Variants in PTPRD observed in about 807,000 individuals in gnomAD.
PTPRD encodes receptor-type tyrosine-protein phosphatase delta.
In PTPRD, 34 loss-of-function variants were observed where a neutral mutation model predicts 214.5. The ratio of observed to expected loss-of-function variants is 0.16; its 90% confidence interval spans 0.12 to 0.21. PTPRD has a LOEUF of 0.21. PTPRD is among the 10% of genes least tolerant of loss of function. The probability of loss-of-function intolerance (pLI) is 1.00; values close to 1 mark genes in which losing one functional copy is unlikely to be tolerated. For missense variants in PTPRD, 2,545 were observed against 2,398.7 expected (o/e 1.06, Z -1.27); for synonymous variants, 1,128 against 845.7 (o/e 1.33, Z -5.79).
chr9:9,958,986 A>G (rs1195263290), intron 4 of PTPRD, among the ~76,000 whole-genome samples: 1 of 152,194 alleles, frequency 6.6e-6, no homozygotes, highest in Non-Finnish European at 1.5e-5. Flanking sequence ...AAATCAAACA[A>G]TCTTGCTCCT....
rs532485877 is a variant in PTPRD, at chr9:8,801,707, C to T, written c.-103-67761G>A. The stretch of plus-strand genomic sequence containing the variant: ...CTCCAGCCTGGGCGACAGAGCAAGA[C>T]TGTCTCAATTTAAAAAATGAATAAA... On this transcript the variant is annotated intron_variant, in intron 11 of 45. Transcript: ENST00000381196. Among the ~76,000 whole-genome samples, 4 of 152,270 alleles carry T rather than the reference C, an allele frequency of 2.6e-5. No individual in the cohort carries two copies. In the East Asian group the frequency reaches 7.7e-4, roughly 29 times the overall value.
At chr9:10,015,481 G>A (rs2096686954) in intron 4 of PTPRD, among the ~76,000 whole-genome samples, 2 of 152,068 alleles carry the variant, frequency 1.3e-5, no homozygotes, top group Admixed American at 1.3e-4. Flanking sequence ...AGGTGAAGTT[G>A]CAATCAACTG....
intron 2 of PTPRD, among the ~76,000 whole-genome samples, chr9:10,531,792 G>T (rs1210097283): frequency 6.6e-6 from 1 of 152,060 alleles, no homozygotes; most frequent in Non-Finnish European, 1.5e-5. Flanking sequence ...TTGTAGCTTT[G>T]CTGCAATAAT....
intron 5 of PTPRD, among the ~76,000 whole-genome samples, chr9:9,844,653 AAC>A (rs2059075357): frequency 6.6e-6 from 1 of 151,952 alleles, no homozygotes; most frequent in African/African-American, 2.4e-5. Flanking sequence ...TACACCAATT[AAC>A]AGTTATTAGC....
At chr9:8,934,436 A>AATTT (rs1555546854) in intron 11 of PTPRD, among the ~76,000 whole-genome samples, 2 of 30,332 alleles carry the variant, frequency 6.6e-5, no homozygotes, top group South Asian at 9.3e-4. Flanking sequence ...TATATATATA[A>AATTT]ATATATATAT....
intron 3 of PTPRD, among the ~76,000 whole-genome samples, chr9:10,259,324 G>T (rs886486355): frequency 3.3e-5 from 5 of 151,962 alleles, no homozygotes. Context: ...GCGCCCGGCC[G>T]GTATCTGTTT....
chr9:9,110,431 C>G (rs1417023226), intron 10 of PTPRD, among the ~76,000 whole-genome samples: 2 of 152,130 alleles, frequency 1.3e-5, no homozygotes, highest in African/African-American at 4.8e-5. Context: ...GACTCTGTTG[C>G]ACACAAAGTC....
intron 11 of PTPRD, among the ~76,000 whole-genome samples, chr9:8,845,689 A>C (rs948260388): frequency 6.6e-6 from 1 of 152,226 alleles, no homozygotes. Flanking sequence ...TCCACAGCTC[A>C]ACATAAACAA....
At chr9:8,754,165 T>C (rs72702322) in intron 11 of PTPRD, among the ~76,000 whole-genome samples, 1 of 152,064 alleles carries the variant, frequency 6.6e-6, no homozygotes, top group Admixed American at 6.6e-5. Context: ...CTCATTCTTA[T>C]AACGATGTCA....
chr9:8,485,906 G>C lies in PTPRD; in HGVS notation c.2911C>G (p.Leu971Val), dbSNP rs777974658. 2.5e-6 allele frequency: 4 copies of C among 1,614,186 alleles called. No homozygotes were observed. The highest frequency in any genetic ancestry group is 2.2e-5 in the East Asian group (1 of 44,874). ...INIPLLPMEQ[L>V]IVPADTTMTL... ...ATAGTGGTGTCAGCTGGAACAATAA[G>C]CTGCTCCATCGGGAGAAGGGGGATG... The change falls in exon 28 of 46, where the codon CTT becomes GTT. Residue 971 changes from leucine (L) to valine (V), a missense_variant. Leu to Val is a conservative substitution (Grantham distance 32). Transcript: ENST00000381196.
At chr9:9,414,566 G>C (rs952333754) in intron 8 of PTPRD, among the ~76,000 whole-genome samples, 1 of 152,158 alleles carries the variant, frequency 6.6e-6, no homozygotes, top group Admixed American at 6.5e-5. Flanking sequence ...CATGGTGAGT[G>C]TTGGTTTTTA....
chr9:10,228,511 T>C (rs374651578), intron 3 of PTPRD, among the ~76,000 whole-genome samples: 1 of 151,920 alleles, frequency 6.6e-6, no homozygotes, highest in African/African-American at 2.4e-5. Flanking sequence ...AAGCATGTGT[T>C]AGGTAGAAAA....
At chr9:8,868,421 C>T (rs1293121583) in intron 11 of PTPRD, among the ~76,000 whole-genome samples, 1 of 152,064 alleles carries the variant, frequency 6.6e-6, no homozygotes, top group Non-Finnish European at 1.5e-5. Context: ...CCAGGCTGGT[C>T]TCGAAATCCT....
Position 9,698,869 on chromosome 9 carries a change from C to G in PTPRD, c.-287+35664G>C, listed in dbSNP as rs1296506767. On this transcript the variant is annotated intron_variant, in intron 7 of 45. Transcript: ENST00000381196. ...TGATTAGCCTAACAACATAGCCTAA[C>G]TCCTAGCATGGAGTTTTTACTTCTC... Among the ~76,000 whole-genome samples the G allele has an allele frequency of 2.0e-5, 3 of 152,198 alleles. No individual in the cohort carries two copies. The South Asian group carries it at 6.2e-4, about 32-fold the overall frequency.
At chr9:8,331,553 C>A (rs1414211158) in intron 44 of PTPRD, 29 bp downstream of exon 44, 1 of 959,428 alleles carries the variant, frequency 1.0e-6, no homozygotes, top group Admixed American at 3.6e-5. Context: ...CACCACTTAT[C>A]ACTGCTTTAT....
At chr9:9,271,078 G>A (rs918355940) in intron 9 of PTPRD, among the ~76,000 whole-genome samples, 3 of 151,158 alleles carry the variant, frequency 2.0e-5, no homozygotes, top group East Asian at 2.0e-4. Context: ...AAGGAGGACC[G>A]ATTGGGCTAC....
intron 2 of PTPRD, among the ~76,000 whole-genome samples, chr9:10,571,303 T>TA (rs1484352104): frequency 6.6e-6 from 1 of 152,180 alleles, no homozygotes; most frequent in Non-Finnish European, 1.5e-5. Context: ...TAAAAACTGA[T>TA]ACCACAGCCC....
intron 3 of PTPRD, among the ~76,000 whole-genome samples, chr9:10,130,874 C>T (rs2098866337): frequency 6.6e-6 from 1 of 152,102 alleles, no homozygotes; most frequent in South Asian, 2.1e-4. Flanking sequence ...AAACAAGGCT[C>T]TCAGACCTTC....
intron 3 of PTPRD, among the ~76,000 whole-genome samples, chr9:10,234,231 A>G (rs1384644131): frequency 1.3e-5 from 2 of 151,720 alleles, no homozygotes; most frequent in East Asian, 3.9e-4. Flanking sequence ...ATAATTAATA[A>G]AAAATAAATA....
Sources: gnomAD v4.1 joint callset for allele counts (sites outside exome capture counted in the v4.1 genomes callset) on GRCh38, gnomAD v4.1.1 for gene constraint, MANE v1.5 for transcripts, NCBI Gene and HGNC (gene_info 2026-07-23, HGNC 2026-07-21) for gene names.